ABCA5: variants seen among roughly 807,000 people sequenced by gnomAD.
ABCA5 encodes the protein ATP binding cassette subfamily A member 5.
A neutral mutation model predicts 206.0 loss-of-function variants in ABCA5; 163 were observed. The observed-to-expected ratio is 0.79, with a 90% CI of 0.70 to 0.90. ABCA5 has a LOEUF of 0.90. ABCA5 is among the 40% of genes least tolerant of loss of function. The pLI, the probability that ABCA5 is intolerant of heterozygous loss-of-function variation, is 0.00. For synonymous variants in ABCA5, 609 were observed against 613.8 expected (o/e 0.99, Z 0.11); for missense variants, 1,859 against 1,912.9 (o/e 0.97, Z 0.53).
rs1296055616 is a variant in ABCA5 at position 69,247,660 on chromosome 17, T to G, written c.4822-16A>C. ...CTACAAAAACCTAGGTGAAAAGAAA[T>G]AAATGAATACAGTATGCTGTATCTC... On this transcript the variant is annotated splice_polypyrimidine_tract_variant and intron_variant, in intron 38 of 38. Transcript: ENST00000392676. 1 of 1,481,820 alleles carries G rather than the reference T, an allele frequency of 6.7e-7. No homozygotes were observed. The highest frequency in any genetic ancestry group is 9.4e-7 in the Non-Finnish European group (1 of 1,067,828). The allele number at this position is 1,481,820 out of a possible 1,614,324, so 91.8% of individuals were successfully genotyped here.
chr17:69,261,894 C>G, intron 24 of ABCA5, 146 bp from the exon 25 acceptor site: 1 of 395,538 alleles, frequency 2.5e-6, no homozygotes, highest in Non-Finnish European at 4.6e-6. Flanking sequence ...TTTTTTGTAC[C>G]AAGTAAAATA....
chr17:69,306,460 C>T (rs909873417), intron 6 of ABCA5, among the ~76,000 whole-genome samples: 4 of 151,876 alleles, frequency 2.6e-5, no homozygotes, highest in African/African-American at 9.7e-5. Flanking sequence ...CGGAGTGTGC[C>T]CATGATTCAA....
At chr17:69,270,848 A>C in intron 21 of ABCA5, 98 bp from the exon 22 acceptor site, 1 of 1,160,128 alleles carries the variant, frequency 8.6e-7, no homozygotes, top group Non-Finnish European at 1.2e-6. Flanking sequence ...TAATTCTCAT[A>C]CAGAAAAACT....
intron 10 of ABCA5, among the ~76,000 whole-genome samples, chr17:69,296,437 G>A (rs1016802607): frequency 2.6e-5 from 4 of 151,876 alleles, no homozygotes; most frequent in Non-Finnish European, 5.9e-5. Flanking sequence ...GAATCGTAAT[G>A]AATTTCTTTG....
rs1408140147 is a variant in ABCA5, at chr17:69,256,201, T to C, written c.3814A>G (p.Arg1272Gly). 5 of 1,610,308 alleles carry C rather than the reference T, an allele frequency of 3.1e-6. No homozygotes were observed. The highest frequency in any genetic ancestry group is 3.3e-5 in the Admixed American group (2 of 59,762). Residue 1272 changes from arginine to glycine, a missense_variant, in exon 29 of 39, where the codon AGA becomes GGA. Transcript: ENST00000392676. ...EDEDEDVKAE[R>G]LKVKELMGCQ... The stretch of plus-strand genomic sequence containing the variant: ...CCCATCAGCTCTTTGACCTTTAGTC[T>C]TTCAGCTTTGACATCTTCATCTTCA...
chr17:69,325,225 C>T (rs561540209), intron 1 of ABCA5, among the ~76,000 whole-genome samples: 1 of 151,178 alleles, frequency 6.6e-6, no homozygotes, highest in South Asian at 2.1e-4. Context: ...GGGAGGATCA[C>T]TTGAGCCTGC....
chr17:69,267,444 T>C (rs1045745662), intron 23 of ABCA5, among the ~76,000 whole-genome samples: 3 of 152,216 alleles, frequency 2.0e-5, no homozygotes, highest in Admixed American at 6.5e-5. Context: ...AGAACCTCTG[T>C]ATACTTAGCA....
At chr17:69,298,125 G>T (rs1331282646) in intron 9 of ABCA5, among the ~76,000 whole-genome samples, 1 of 152,084 alleles carries the variant, frequency 6.6e-6, no homozygotes, top group East Asian at 1.9e-4. Context: ...GGCTGAGCCT[G>T]CAGTGAGCTG....
rs1284116634 is a variant in ABCA5, at chr17:69,244,316, G to C, written c.*3221C>G. 6.6e-6 allele frequency: 1 copy of C among 151,950 alleles called. No individual in the cohort carries two copies. Among genetic ancestry groups the C allele is most frequent in the Non-Finnish European group, 1.5e-5 (1 of 67,950 alleles). The allele number at this position is 151,950 out of a possible 1,614,324, so 9.4% of individuals were successfully genotyped here. On this transcript the variant is annotated 3_prime_UTR_variant, in exon 39 of 39. Coordinates refer to ENST00000392676, the MANE Select transcript of ABCA5 (RefSeq NM_172232.4). ...TTAAAAAAAATTACTAACAATTTTA[G>C]TGCCAGGTTTTTGCATCATTTTTAA...
At chr17:69,277,096 AAGGG>A in intron 19 of ABCA5, among the ~76,000 whole-genome samples, 1 of 152,336 alleles carries the variant, frequency 6.6e-6, no homozygotes, top group Non-Finnish European at 1.5e-5. Context: ...CCTAACTGAG[AAGGG>A]CTAAAGCTAA....
intron 3 of ABCA5, among the ~76,000 whole-genome samples, chr17:69,310,970 T>C (rs1266572039): frequency 6.6e-6 from 1 of 152,078 alleles, no homozygotes; most frequent in Non-Finnish European, 1.5e-5. Flanking sequence ...GTAGATTGCT[T>C]GAGTCCAGGA....
chr17:69,266,801 GAT>G (rs1335532341), intron 23 of ABCA5, among the ~76,000 whole-genome samples: 4 of 147,364 alleles, frequency 2.7e-5, no homozygotes, highest in Admixed American at 2.7e-4. Context: ...TAAAAATAGA[GAT>G]ATGTGTTACT....
Position 69,277,703 on chromosome 17 carries a change from C to T in ABCA5, c.2532G>A (p.Met844Ile). ...VSTMSLWKQQMYTIAKFHFFT... is the reference protein window; with the variant it reads ...VSTMSLWKQQIYTIAKFHFFT... The stretch of plus-strand genomic sequence containing the variant: ...AGAAATGAAACTTTGCTATTGTATA[C>T]ATCTGTTGTTTCCAAAGGCTCATGG... The change falls in exon 19 of 39, where the codon ATG becomes ATA. Residue 844 changes from methionine (M) to isoleucine (I), a missense_variant. Coordinates refer to ENST00000392676, the MANE Select transcript of ABCA5 (RefSeq NM_172232.4). The T allele has an allele frequency of 6.2e-7, 1 of 1,611,876 alleles. No homozygotes were observed. Among genetic ancestry groups the T allele is most frequent in the South Asian group, 1.1e-5 (1 of 90,430 alleles).
In ABCA5 at chr17:69,314,425, A is replaced by C; in HGVS notation, c.-10T>G. ...TAATTGCAGTGGACATGTTTTCTGA[A>C]TAAACCTATTAAAGAGGAAAAACAA... On this transcript the variant is annotated 5_prime_UTR_variant, in exon 2 of 39. Coordinates refer to ENST00000392676, the MANE Select transcript of ABCA5 (RefSeq NM_172232.4). The C allele has an allele frequency of 6.3e-7, 1 of 1,585,776 alleles. No homozygotes were observed. Among genetic ancestry groups the C allele is most frequent in the Non-Finnish European group, 8.6e-7 (1 of 1,156,646 alleles).
chr17:69,268,543 C>T (rs1309908053), intron 22 of ABCA5, among the ~76,000 whole-genome samples: 1 of 151,800 alleles, frequency 6.6e-6, no homozygotes, highest in Non-Finnish European at 1.5e-5. Context: ...GAATTAACTC[C>T]CACAGGCCCC....
Position 69,291,340 on chromosome 17 carries a change from AAAG to A in ABCA5, c.1496-17_1496-15del. The A allele has an allele frequency of 2.6e-6, 4 of 1,513,320 alleles. No homozygotes were observed. The highest frequency in any genetic ancestry group is 2.3e-5 in the East Asian group (1 of 44,136). The allele number at this position is 1,513,320 out of a possible 1,614,324, so 93.7% of individuals were successfully genotyped here. A position where few individuals can be genotyped will look rare whatever the true frequency, so the allele number is the denominator to read the frequency against. Reference sequence around the variant, plus strand: ...CAAATGACAAATCTAGTTCAGGAAAAAAGAAGACTCAAATGTAATTTTTATGTC... The same window carrying A: ...CAAATGACAAATCTAGTTCAGGAAAAAAGACTCAAATGTAATTTTTATGTC... On this transcript the variant is annotated splice_polypyrimidine_tract_variant and intron_variant, in intron 11 of 38. Transcript: ENST00000392676.
intron 1 of ABCA5, among the ~76,000 whole-genome samples, chr17:69,320,760 C>T (rs541470259): frequency 8.1e-4 from 123 of 152,320 alleles, no homozygotes; most frequent in African/African-American, 2.9e-3. Flanking sequence ...CTGCATCCTC[C>T]AACCTGCCAG....
At chr17:69,297,886 G>C (rs537430932) in intron 9 of ABCA5, among the ~76,000 whole-genome samples, 1 of 152,042 alleles carries the variant, frequency 6.6e-6, no homozygotes, top group Non-Finnish European at 1.5e-5. Flanking sequence ...ATGAGACTTA[G>C]AAATGGTATA....
At chr17:69,257,351 C>G (rs946920674) in intron 28 of ABCA5, among the ~76,000 whole-genome samples, 1 of 129,874 alleles carries the variant, frequency 7.7e-6, no homozygotes, top group African/African-American at 2.9e-5. Flanking sequence ...GAGATTCCAT[C>G]TCAAAAAAAA....
Sources: gnomAD v4.1 joint callset for allele counts (sites outside exome capture counted in the v4.1 genomes callset) on GRCh38, gnomAD v4.1.1 for gene constraint, MANE v1.5 for transcripts, NCBI Gene and HGNC (gene_info 2026-07-23, HGNC 2026-07-21) for gene names.